ARHGEF1: variants seen among roughly 807,000 people sequenced by gnomAD.
ARHGEF1 encodes 115 kDa guanine nucleotide exchange factor.
ARHGEF1 carries 40 observed loss-of-function variants against 119.7 expected under a neutral mutation model. The observed-to-expected ratio is 0.33, with a 90% CI of 0.26 to 0.44. The LOEUF is 0.44. ARHGEF1 is among the 20% of genes least tolerant of loss of function. ARHGEF1 has a pLI of 1.00. For synonymous variants in ARHGEF1, 494 were observed against 521.0 expected (o/e 0.95, Z 0.71); for missense variants, 976 against 1,268.3 (o/e 0.77, Z 3.50).
rs560856485 is a variant in ARHGEF1 at position 41,916,851 on chromosome 19, C to T, written c.1866-6241C>T. Among the ~76,000 whole-genome samples the T allele has an allele frequency of 1.8e-3, 276 of 151,560 alleles. 2 individuals carry two copies. Among genetic ancestry groups the T allele is most frequent in the African/African-American group, 6.5e-3 (265 of 40,968 alleles). On this transcript the variant is annotated intron_variant, in intron 18 of 20. Coordinates refer to the ARHGEF1 transcript ENST00000599589. This position sits in a 1 kb window ranked among gnomAD's most constrained non-coding sequence, Gnocchi z 5.4. ...GACCCAAACATACGACCGACAGCGG[C>T]CCCTGCAGAGGTACACACAGACACA...
rs1166476824 is a variant in ARHGEF1, at chr19:41,928,747, G to T, written c.141-84G>T. On this transcript the variant is annotated intron_variant, in intron 1 of 2. Coordinates refer to the ARHGEF1 transcript ENST00000594417. ...GGTTCGATCCCGGGACTGAGGGAGT[G>T]GGGGTGGGGCGGGGGTGGGTGGAGA... 8.5e-6 allele frequency: 3 copies of T among 353,738 alleles called. No homozygotes were observed. The East Asian group carries it at 2.3e-4, about 27-fold the overall frequency. 21.9% of individuals were successfully genotyped at this position (353,738 alleles called of 1,614,324 possible).
chr19:41,906,951 C>G lies in ARHGEF1; in HGVS notation c.*17+148C>G. Reference sequence around the variant, plus strand: ...CCTCGTGTTTCTCATCTCTGTGTCTCTGTTTCTGATAATCTGTTTCTCTGT... The same window carrying G: ...CCTCGTGTTTCTCATCTCTGTGTCTGTGTTTCTGATAATCTGTTTCTCTGT... On this transcript the variant is annotated intron_variant, in intron 28 of 28. Coordinates refer to ENST00000354532, the MANE Select transcript of ARHGEF1 (RefSeq NM_004706.4). The surrounding 1 kb of genome is among the most constrained non-coding windows in gnomAD (Gnocchi z 4.5). 3.1e-6 allele frequency: 3 copies of G among 956,818 alleles called. No individual in the cohort carries two copies. The highest frequency in any genetic ancestry group is 4.5e-6 in the Non-Finnish European group (3 of 662,364). 59.3% of individuals were successfully genotyped at this position (956,818 alleles called of 1,614,324 possible).
upstream of ARHGEF1, among the ~76,000 whole-genome samples, chr19:41,919,893 C>T (rs1238020052): frequency 6.6e-6 from 1 of 152,158 alleles, no homozygotes; most frequent in Non-Finnish European, 1.5e-5. Flanking sequence ...CCAGACGCAG[C>T]TGAGCACCAC....
Position 41,906,877 on chromosome 19 carries a change from C to A in ARHGEF1, c.*17+74C>A. 8.5e-7 allele frequency: 1 copy of A among 1,176,676 alleles called. No homozygotes were observed. Among genetic ancestry groups the A allele is most frequent in the Non-Finnish European group, 1.2e-6 (1 of 841,110 alleles). 72.9% of individuals were successfully genotyped at this position (1,176,676 alleles called of 1,614,324 possible). On this transcript the variant is annotated intron_variant, in intron 28 of 28. Coordinates refer to ENST00000354532, the MANE Select transcript of ARHGEF1 (RefSeq NM_004706.4). The surrounding 1 kb of genome is among the most constrained non-coding windows in gnomAD (Gnocchi z 4.5). The stretch of plus-strand genomic sequence containing the variant: ...CCCTCCAGAGCTCGCATCCCTACAG[C>A]CCCTTCTGTCCATCTCCCTCTTTGT...
In ARHGEF1 at chr19:41,905,643, G is replaced by T. The variant is rs944917385; in HGVS notation, c.2337-117G>T. On this transcript the variant is annotated intron_variant, in intron 24 of 28. Coordinates refer to ENST00000354532, the MANE Select transcript of ARHGEF1 (RefSeq NM_004706.4). The surrounding 1 kb of genome is among the most constrained non-coding windows in gnomAD (Gnocchi z 6.4). ...CTCTGTCTCCCTGTCTCCCGGCCTCGACCTCTGTCTCTGTCTCCGGACCTC... is the reference window on the plus strand; with the variant it reads ...CTCTGTCTCCCTGTCTCCCGGCCTCTACCTCTGTCTCTGTCTCCGGACCTC... The T allele has an allele frequency of 4.7e-6, 5 of 1,062,794 alleles. No homozygotes were observed. Among genetic ancestry groups the T allele is most frequent in the Admixed American group, 2.1e-5 (1 of 46,638 alleles). The allele number at this position is 1,062,794 out of a possible 1,614,324, so 65.8% of individuals were successfully genotyped here. A position where few individuals can be genotyped will look rare whatever the true frequency, so the allele number is the denominator to read the frequency against.
chr19:41,897,436 G>C, intron 13 of ARHGEF1: 1 of 821,448 alleles, frequency 1.2e-6, no homozygotes, highest in African/African-American at 1.9e-5. Flanking sequence ...GTGAGGGGTG[G>C]GTGGGGACAT....
chr19:41,914,053 A>G (rs1407015439), intron 18 of ARHGEF1, among the ~76,000 whole-genome samples: 1 of 109,666 alleles, frequency 9.1e-6, no homozygotes, highest in Non-Finnish European at 1.8e-5. Context: ...GGCAGCCCAC[A>G]CTGTGTTCCC....
At chr19:41,910,005 T>C (rs1341006319), downstream of ARHGEF1, 2 of 1,613,610 alleles carry the variant, frequency 1.2e-6, no homozygotes, top group Admixed American at 1.7e-5. This position sits in a 1 kb window ranked among gnomAD's most constrained non-coding sequence, Gnocchi z 4.4. Flanking sequence ...TACTCCTCCT[T>C]CTGCAGCAGC....
rs2074775558 is a variant in ARHGEF1, at chr19:41,914,546, T to TTCCCTCCCCTTCCACCATCTCTGTCTC, written c.1865+7744_1865+7770dup. Among the ~76,000 whole-genome samples, 32 of 118,448 alleles carry TTCCCTCCCCTTCCACCATCTCTGTCTC rather than the reference T, an allele frequency of 2.7e-4. 7 individuals carry two copies. The highest frequency in any genetic ancestry group is 1.2e-3 in the South Asian group (4 of 3,460). The allele number at this position is 118,448 out of a possible 152,430, so 77.7% of individuals were successfully genotyped here. ...TTCTCCCCATCTCTGCTATCCGTCT[T>TTCCCTCCCCTTCCACCATCTCTGTCTC]TCCCTCCCCTTCCACCATCTCTGTC... On this transcript the variant is annotated intron_variant, in intron 18 of 20. Coordinates refer to the ARHGEF1 transcript ENST00000599589.
Position 41,906,796 on chromosome 19 carries a change from C to T in ARHGEF1, c.*10C>T. On this transcript the variant is annotated 3_prime_UTR_variant, in exon 28 of 29. Coordinates refer to ENST00000354532, the MANE Select transcript of ARHGEF1 (RefSeq NM_004706.4). The surrounding 1 kb of genome is among the most constrained non-coding windows in gnomAD (Gnocchi z 4.5). ...GCCTGGCTGCACTTGAGGTTCCCGCCCAGGAAGGTGAGTGGGGCACCTGGG... is the reference window on the plus strand; with the variant it reads ...GCCTGGCTGCACTTGAGGTTCCCGCTCAGGAAGGTGAGTGGGGCACCTGGG... The T allele has an allele frequency of 6.2e-7, 1 of 1,606,956 alleles. No individual in the cohort carries two copies.
chr19:41,897,120 C>T (rs1274104441), intron 13 of ARHGEF1: 1 of 380,766 alleles, frequency 2.6e-6, no homozygotes, highest in Non-Finnish European at 5.1e-6. Context: ...TCGCTCCTGC[C>T]TCCTGGTGCC....
chr19:41,894,118 G>A (rs2074430991), intron 8 of ARHGEF1, 89 bp from the exon 9 acceptor site: 2 of 877,084 alleles, frequency 2.3e-6, no homozygotes, highest in Non-Finnish European at 3.2e-6. Flanking sequence ...GGGGGAGAGA[G>A]AGAGAGTGTG....
intron 13 of ARHGEF1, chr19:41,897,019 C>G (rs1555847890): frequency 2.3e-6 from 1 of 439,376 alleles, no homozygotes; most frequent in East Asian, 7.2e-5. Flanking sequence ...ACCTTCCATC[C>G]CCCTCCGATC....
Position 41,892,660 on chromosome 19 carries a change from T to C in ARHGEF1, c.425T>C (p.Val142Ala). ...EDVQRRFVQE[V>A]VQSQQVAVGR... The stretch of plus-strand genomic sequence containing the variant: ...GTCCAGCGGCGGTTCGTGCAGGAGG[T>C]GGTGCAAAGCCAGCAGGTAGCCGTG... Residue 142 changes from valine (V) to alanine (A), a missense_variant, in exon 7 of 29, where the codon GTG (valine) becomes GCG (alanine). Transcript: ENST00000354532. The surrounding 1 kb of genome is among the most constrained non-coding windows in gnomAD (Gnocchi z 6.3). 1 of 1,608,366 alleles carries C rather than the reference T, an allele frequency of 6.2e-7. No homozygotes were observed. The highest frequency in any genetic ancestry group is 8.5e-7 in the Non-Finnish European group (1 of 1,175,750).
At chr19:41,885,448 ATTTTGT>A (rs1210992060) in intron 1 of ARHGEF1, among the ~76,000 whole-genome samples, 1 of 134,388 alleles carries the variant, frequency 7.4e-6, no homozygotes, top group East Asian at 2.2e-4. Context: ...TCTCTGTTTT[ATTTTGT>A]TTTATTTATT....
chr19:41,921,481 C>G (rs556187392), upstream of ARHGEF1, among the ~76,000 whole-genome samples: 2 of 151,856 alleles, frequency 1.3e-5, no homozygotes, highest in Admixed American at 6.6e-5. This position sits in a 1 kb window ranked among gnomAD's most constrained non-coding sequence, Gnocchi z 4.4. Flanking sequence ...CACATGCACA[C>G]GCAGAGAGAA....
Position 41,916,189 on chromosome 19 carries a change from G to A in ARHGEF1, c.1866-6903G>A, listed in dbSNP as rs147034330. On this transcript the variant is annotated intron_variant, in intron 18 of 20. Coordinates refer to the ARHGEF1 transcript ENST00000599589. This position sits in a 1 kb window ranked among gnomAD's most constrained non-coding sequence, Gnocchi z 5.4. Reference sequence around the variant, plus strand: ...CCAACCCAGGCACGCACACCACCACGTCCCACACAGCACACATCGCACAGA... The same window carrying A: ...CCAACCCAGGCACGCACACCACCACATCCCACACAGCACACATCGCACAGA... 2.4e-4 allele frequency among the ~76,000 whole-genome samples: 37 copies of A among 151,638 alleles called. No individual in the cohort carries two copies. The highest frequency in any genetic ancestry group is 8.4e-4 in the South Asian group (4 of 4,784).
In ARHGEF1 at chr19:41,913,900, C is replaced by T. The variant is rs528952424; in HGVS notation, c.1865+7097C>T. ...CCCCTCCCCTCAGGCACTTCAGCCC[C>T]TCACTGCCACCCTCACACCCCACCT... is the stretch of plus-strand genomic sequence containing the variant. On this transcript the variant is annotated intron_variant, in intron 18 of 20. Coordinates refer to the ARHGEF1 transcript ENST00000599589. Among the ~76,000 whole-genome samples, 6 of 151,302 alleles carry T rather than the reference C, an allele frequency of 4.0e-5. No homozygotes were observed. The South Asian group carries it at 1.1e-3, about 27-fold the overall frequency.
rs782237638 is a variant in ARHGEF1 at position 41,905,306 on chromosome 19, C to T, written c.2336+45C>T. 6.4e-6 allele frequency: 10 copies of T among 1,553,348 alleles called. No homozygotes were observed. Among genetic ancestry groups the T allele is most frequent in the South Asian group, 1.2e-5 (1 of 84,740 alleles). On this transcript the variant is annotated intron_variant, in intron 24 of 28. Coordinates refer to ENST00000354532, the MANE Select transcript of ARHGEF1 (RefSeq NM_004706.4). The surrounding 1 kb of genome is among the most constrained non-coding windows in gnomAD (Gnocchi z 6.4). The stretch of plus-strand genomic sequence containing the variant: ...GAGCTGGAGGTTCAGGGAGTGGGGC[C>T]GGAAGGCGGGGCAGGCTTCCCTCCA...
Sources: gnomAD v4.1 joint callset for allele counts (sites outside exome capture counted in the v4.1 genomes callset) on GRCh38, gnomAD v4.1.1 for gene constraint, Gnocchi (gnomAD v3.1) non-coding constraint, MANE v1.5 for transcripts, NCBI Gene and HGNC (gene_info 2026-07-23, HGNC 2026-07-21) for gene names.